TMEM132D: variants seen among roughly 807,000 people sequenced by gnomAD.
TMEM132D encodes the protein mature OL transmembrane protein.
Under a neutral mutation model 62.3 loss-of-function variants are expected in TMEM132D, and 21 were observed. The observed-to-expected ratio is 0.34, with a 90% CI of 0.24 to 0.49. The LOEUF (loss-of-function observed/expected upper bound fraction) is 0.49, where lower values mean the gene tolerates loss of function less well. TMEM132D is among the 20% of genes least tolerant of loss of function. TMEM132D has a pLI of 0.99. For missense variants in TMEM132D, 1,346 were observed against 1,402.8 expected, an observed-to-expected ratio of 0.96 and a Z score of 0.65; for synonymous variants, 621 against 575.6, an observed-to-expected ratio of 1.08 and a Z score of -1.13.
At chr12:129,240,066 T>C (rs1041120482) in intron 4 of TMEM132D, among the ~76,000 whole-genome samples, 1 of 152,168 alleles carries the variant, frequency 6.6e-6, no homozygotes, top group African/African-American at 2.4e-5. Context: ...TTCCATTTTC[T>C]AGCATTAGGG....
rs1879423297 is a variant in TMEM132D at position 129,224,280 on chromosome 12, CG to C, written c.1300-14618del. Among the ~76,000 whole-genome samples, 3 of 152,222 alleles carry C rather than the reference CG, an allele frequency of 2.0e-5. No individual in the cohort carries two copies. In the South Asian group the frequency reaches 6.2e-4, roughly 32 times the overall value. On this transcript the variant is annotated intron_variant, in intron 4 of 8. Transcript: ENST00000422113. The stretch of plus-strand genomic sequence containing the variant: ...CTCTTCACTGACCTTGCCATTTTCC[CG>C]GGGATCCTCCCATCAGAATATTTTG...
In TMEM132D at chr12:129,105,891, A is replaced by C. The variant is rs376853255; in HGVS notation, c.1444-21189T>G. Among the ~76,000 whole-genome samples the C allele has an allele frequency of 2.4e-3, 369 of 151,242 alleles. 13 individuals carry two copies. The East Asian group carries it at 0.054, about 22-fold the overall frequency. On this transcript the variant is annotated intron_variant, in intron 5 of 8. Coordinates refer to ENST00000422113, the MANE Select transcript of TMEM132D (RefSeq NM_133448.3). The stretch of plus-strand genomic sequence containing the variant: ...TCAGGGATCTAGAACTAGAAATACC[A>C]TTTGACCCAGCCATCCCATTACTGG...
intron 5 of TMEM132D, among the ~76,000 whole-genome samples, chr12:129,162,063 C>T (rs1877415241): frequency 6.6e-6 from 1 of 152,180 alleles, no homozygotes; most frequent in South Asian, 2.1e-4. Context: ...GGGTTATGGG[C>T]TGAACTGTGT....
intron 5 of TMEM132D, chr12:129,169,983 T>C (rs1877675336): frequency 6.6e-6 from 1 of 152,232 alleles, no homozygotes; most frequent in South Asian, 2.1e-4. Context: ...ACAAGATCTA[T>C]TTAGCACCTG....
intron 2 of TMEM132D, among the ~76,000 whole-genome samples, chr12:129,671,716 A>G: frequency 6.6e-6 from 1 of 152,264 alleles, no homozygotes; most frequent in Admixed American, 6.5e-5. Context: ...GGGAGCACGG[A>G]GAGGAAGGCC....
chr12:129,835,535 C>A (rs1593180879), intron 1 of TMEM132D, among the ~76,000 whole-genome samples: 1 of 152,150 alleles, frequency 6.6e-6, no homozygotes, highest in African/African-American at 2.4e-5. Context: ...AAATGATCCA[C>A]CTGCCTCGGA....
At chr12:129,538,892 G>T (rs997948001) in intron 2 of TMEM132D, among the ~76,000 whole-genome samples, 55 of 151,784 alleles carry the variant, frequency 3.6e-4, no homozygotes, top group African/African-American at 1.3e-3. Flanking sequence ...AGGAACGTTG[G>T]CTACTAGGGA....
intron 1 of TMEM132D, among the ~76,000 whole-genome samples, chr12:129,750,869 A>C (rs1869979169): frequency 6.6e-6 from 1 of 152,174 alleles, no homozygotes; most frequent in Non-Finnish European, 1.5e-5. Flanking sequence ...TAAATGTTTA[A>C]GCCAATGAAA....
chr12:129,261,446 C>T (rs1880547715), intron 4 of TMEM132D, among the ~76,000 whole-genome samples: 8 of 152,188 alleles, frequency 5.3e-5, no homozygotes, highest in Admixed American at 5.2e-4. Flanking sequence ...TGTGCCTTTG[C>T]TCCTCATTTG....
chr12:129,642,283 TC>T (rs1231542225), intron 2 of TMEM132D, among the ~76,000 whole-genome samples: 1 of 152,230 alleles, frequency 6.6e-6, no homozygotes, highest in Non-Finnish European at 1.5e-5. Flanking sequence ...AAAAACAGTA[TC>T]ATCAGATATC....
chr12:129,552,725 C>G (rs10847904), intron 2 of TMEM132D, among the ~76,000 whole-genome samples: 57,508 of 151,866 alleles, frequency 0.38, 11,283 homozygotes, highest in Admixed American at 0.46. Flanking sequence ...TATCTATCTA[C>G]ATTATCATCT....
At chr12:129,141,559 C>T (rs980875232) in intron 5 of TMEM132D, among the ~76,000 whole-genome samples, 10 of 152,078 alleles carry the variant, frequency 6.6e-5, no homozygotes, top group African/African-American at 2.4e-4. Flanking sequence ...AGGAACGAAA[C>T]GTCAGAGCTT....
chr12:129,633,850 CT>C (rs1178459170), intron 2 of TMEM132D, among the ~76,000 whole-genome samples: 2 of 152,144 alleles, frequency 1.3e-5, no homozygotes, highest in Non-Finnish European at 2.9e-5. Flanking sequence ...GATTTGGAGC[CT>C]TTTGCTCCTG....
At chr12:129,815,015 CTG>C (rs1292936042) in intron 1 of TMEM132D, among the ~76,000 whole-genome samples, 1 of 152,160 alleles carries the variant, frequency 6.6e-6, no homozygotes, top group Non-Finnish European at 1.5e-5. Flanking sequence ...GTTTGTAAAT[CTG>C]TGGTCAATCT....
At chr12:129,780,638 C>T (rs1253470883) in intron 1 of TMEM132D, among the ~76,000 whole-genome samples, 1 of 152,018 alleles carries the variant, frequency 6.6e-6, no homozygotes, top group Non-Finnish European at 1.5e-5. Context: ...CATGGGAAGG[C>T]GGGGCAAAGA....
intron 4 of TMEM132D, among the ~76,000 whole-genome samples, chr12:129,331,024 G>A (rs11060254): frequency 0.28 from 42,585 of 151,944 alleles, 6,676 homozygotes; most frequent in Non-Finnish European, 0.35. Context: ...CCCTCATTGC[G>A]TGCAAGGAAA....
intron 3 of TMEM132D, among the ~76,000 whole-genome samples, chr12:129,425,574 A>C (rs573828151): frequency 2.6e-5 from 4 of 152,312 alleles, no homozygotes; most frequent in African/African-American, 9.6e-5. Context: ...GTCAAGAACA[A>C]AGTGGCCACA....
chr12:129,160,802 G>A (rs1877379738), intron 5 of TMEM132D, among the ~76,000 whole-genome samples: 1 of 152,186 alleles, frequency 6.6e-6, no homozygotes. Flanking sequence ...GACTACTTGA[G>A]TATCAGAGAT....
chr12:129,531,961 T>C (rs1481152200), intron 2 of TMEM132D, among the ~76,000 whole-genome samples: 1 of 152,094 alleles, frequency 6.6e-6, no homozygotes, highest in South Asian at 2.1e-4. Context: ...GAGGCTGAGG[T>C]GGGAGGATCA....
Sources: gnomAD v4.1 joint callset for allele counts (sites outside exome capture counted in the v4.1 genomes callset) on GRCh38, gnomAD v4.1.1 for gene constraint, MANE v1.5 for transcripts, NCBI Gene and HGNC (gene_info 2026-07-23, HGNC 2026-07-21) for gene names.